The following NOL4 variants were observed in gnomAD, a reference collection of about 807,000 sequenced individuals.
NOL4 encodes cancer/testis antigen 125.
NOL4 carries 17 observed loss-of-function variants against 75.9 expected under a neutral mutation model. The ratio of observed to expected loss-of-function variants is 0.22; its 90% confidence interval spans 0.15 to 0.34. The LOEUF (loss-of-function observed/expected upper bound fraction) is 0.34, where lower values mean the gene tolerates loss of function less well. Ranked by LOEUF, NOL4 falls within the 10% of genes least tolerant of loss-of-function variation. NOL4 has a pLI of 1.00. For synonymous variants in NOL4, 292 were observed against 289.9 expected (o/e 1.01, Z -0.07); for missense variants, 614 against 793.5 (o/e 0.77, Z 2.72).
chr18:34,110,169 G>C (rs1349890720), intron 2 of NOL4, among the ~76,000 whole-genome samples: 1 of 142,658 alleles, frequency 7.0e-6, no homozygotes, highest in African/African-American at 2.6e-5. Context: ...AAAAATACTG[G>C]GTAGGAGGGA....
chr18:33,952,696 G>A (rs538145109), intron 8 of NOL4, among the ~76,000 whole-genome samples: 15 of 152,188 alleles, frequency 9.9e-5, no homozygotes, highest in African/African-American at 2.9e-4. Flanking sequence ...AGGCCAAGGC[G>A]GGTGGATCAC....
intron 9 of NOL4, among the ~76,000 whole-genome samples, chr18:33,902,333 T>A (rs2065792665): frequency 6.6e-6 from 1 of 152,150 alleles, no homozygotes; most frequent in Non-Finnish European, 1.5e-5. Context: ...GAAGTTCAAC[T>A]TTTGTTGTAT....
intron 1 of NOL4, among the ~76,000 whole-genome samples, chr18:34,176,021 T>G (rs1256295272): frequency 2.6e-5 from 4 of 152,056 alleles, no homozygotes; most frequent in African/African-American, 4.8e-5. Flanking sequence ...GTTTATTGGA[T>G]TTACTGGACA....
intron 5 of NOL4, among the ~76,000 whole-genome samples, chr18:34,034,896 A>G (rs565378509): frequency 4.6e-5 from 7 of 152,312 alleles, no homozygotes; most frequent in Admixed American, 2.0e-4. Context: ...TAAAACAGCT[A>G]GAGGATATAA....
intron 1 of NOL4, among the ~76,000 whole-genome samples, chr18:34,154,630 C>T (rs1207491399): frequency 2.0e-5 from 3 of 151,750 alleles, no homozygotes; most frequent in Non-Finnish European, 4.4e-5. Context: ...AGAAATAATA[C>T]TGCTATAACG....
intron 9 of NOL4, among the ~76,000 whole-genome samples, chr18:33,930,575 T>C (rs1443471557): frequency 1.3e-5 from 2 of 152,104 alleles, no homozygotes; most frequent in Admixed American, 6.6e-5. Flanking sequence ...GATGGTTGAG[T>C]GTAAATCCAT....
intron 9 of NOL4, among the ~76,000 whole-genome samples, chr18:33,887,718 C>T (rs1012244466): frequency 6.6e-6 from 1 of 151,954 alleles, no homozygotes; most frequent in Non-Finnish European, 1.5e-5. Flanking sequence ...TGGTTTCCAG[C>T]TTCATCCATG....
chr18:34,008,615 G>A (rs749037470), intron 6 of NOL4, among the ~76,000 whole-genome samples: 8 of 151,708 alleles, frequency 5.3e-5, no homozygotes, highest in African/African-American at 9.7e-5. Context: ...TTTGAGAATC[G>A]CAATGCAAAG....
At chr18:33,922,892 T>A (rs191078947) in intron 9 of NOL4, among the ~76,000 whole-genome samples, 2 of 152,280 alleles carry the variant, frequency 1.3e-5, no homozygotes, top group African/African-American at 4.8e-5. Flanking sequence ...AATATCGAAT[T>A]TAATTTATTA....
At chr18:34,048,086 T>G (rs2076462251) in intron 5 of NOL4, among the ~76,000 whole-genome samples, 1 of 152,160 alleles carries the variant, frequency 6.6e-6, no homozygotes, top group South Asian at 2.1e-4. Context: ...CACAACTTGC[T>G]TACACATGCA....
chr18:34,131,575 A>C (rs1302726787), intron 1 of NOL4, among the ~76,000 whole-genome samples: 1 of 152,110 alleles, frequency 6.6e-6, no homozygotes, highest in African/African-American at 2.4e-5. Flanking sequence ...TACAGTCTCC[A>C]GCAAAGGAAC....
chr18:34,052,894 G>A (rs559898370), intron 5 of NOL4, among the ~76,000 whole-genome samples: 10 of 152,086 alleles, frequency 6.6e-5, no homozygotes, highest in South Asian at 2.1e-4. Context: ...AGAATAACCA[G>A]AAAAGCTAAT....
intron 5 of NOL4, among the ~76,000 whole-genome samples, chr18:34,084,748 A>G (rs2145438537): frequency 6.6e-6 from 1 of 152,234 alleles, no homozygotes; most frequent in African/African-American, 2.4e-5. Context: ...TCTTTATATC[A>G]CCCACAATCT....
chr18:34,146,883 C>G (rs1182841381), intron 1 of NOL4, among the ~76,000 whole-genome samples: 1 of 152,066 alleles, frequency 6.6e-6, no homozygotes, highest in Non-Finnish European at 1.5e-5. Flanking sequence ...TTTGTGTCCT[C>G]TCTTATTTCC....
At chr18:34,017,509 T>C (rs1416481756) in intron 6 of NOL4, among the ~76,000 whole-genome samples, 5 of 152,158 alleles carry the variant, frequency 3.3e-5, no homozygotes, top group Admixed American at 2.6e-4. Flanking sequence ...ATAGATGATA[T>C]GATATTATTA....
intron 9 of NOL4, among the ~76,000 whole-genome samples, chr18:33,901,920 A>T (rs772515346): frequency 4.6e-5 from 7 of 152,090 alleles, no homozygotes; most frequent in Non-Finnish European, 1.0e-4. Context: ...AGTATGAAGA[A>T]GGCTATGAAT....
chr18:33,979,908 C>T (rs963949738), intron 6 of NOL4, among the ~76,000 whole-genome samples: 1 of 151,904 alleles, frequency 6.6e-6, no homozygotes, highest in Non-Finnish European at 1.5e-5. Context: ...TTCTGACCTG[C>T]CTCATAAGAA....
intron 5 of NOL4, 78 bp from the exon 6 acceptor site, chr18:34,019,679 C>T (rs1423852009): frequency 1.5e-6 from 2 of 1,303,984 alleles, no homozygotes; most frequent in African/African-American, 1.5e-5. Context: ...ATTTATTGAG[C>T]TCCCATTATA....
intron 6 of NOL4, among the ~76,000 whole-genome samples, chr18:33,961,021 A>T (rs1248416045): frequency 6.6e-6 from 1 of 152,046 alleles, no homozygotes; most frequent in African/African-American, 2.4e-5. Context: ...GTATTAATGA[A>T]GCATCTTAAA....
Sources: allele counts gnomAD v4.1 joint callset (sites outside exome capture counted in the v4.1 genomes callset), GRCh38; gene constraint gnomAD v4.1.1; transcripts MANE v1.5; gene names NCBI Gene and HGNC (gene_info 2026-07-23, HGNC 2026-07-21).